Variants in CBFA2T3 observed in about 807,000 individuals in gnomAD.
CBFA2T3 encodes CBFA2/RUNX1 partner transcriptional co-repressor 3, also known as transcriptional corepressor CBFA2T3.
In CBFA2T3, 31 loss-of-function variants were observed where a neutral mutation model predicts 58.6. The ratio of observed to expected loss-of-function variants is 0.53; its 90% CI spans 0.40 to 0.71. The LOEUF (loss-of-function observed/expected upper bound fraction) is 0.71. Ranked by LOEUF, CBFA2T3 falls within the 30% of genes least tolerant of loss-of-function variation. The probability of loss-of-function intolerance (pLI) is 0.00; values close to 1 mark genes in which losing one functional copy is unlikely to be tolerated. For missense variants in CBFA2T3, 1,076 were observed against 963.1 expected, an observed-to-expected ratio of 1.12 and a Z score of -1.55; for synonymous variants, 531 against 421.9, an observed-to-expected ratio of 1.26 and a Z score of -3.17.
chr16:88,896,534 C>T (rs141623008), intron 3 of CBFA2T3, among the ~76,000 whole-genome samples: 73 of 152,316 alleles, frequency 4.8e-4, no homozygotes, highest in African/African-American at 1.7e-3. Flanking sequence ...GACCCCACCG[C>T]GCTGCCGAGT....
chr16:88,975,540 G>T (rs1208423234), intron 1 of CBFA2T3, among the ~76,000 whole-genome samples: 1 of 152,270 alleles, frequency 6.6e-6, no homozygotes, highest in African/African-American at 2.4e-5. Context: ...GGATAGACAG[G>T]GCCGCTCCAG....
intron 1 of CBFA2T3, among the ~76,000 whole-genome samples, chr16:88,908,563 G>A (rs1970416520): frequency 2.6e-5 from 4 of 152,178 alleles, no homozygotes; most frequent in Admixed American, 2.6e-4. Flanking sequence ...CCCGTCCGTG[G>A]GGGCACCCAG....
In CBFA2T3 at chr16:88,901,749, G is replaced by C. The variant is rs183987243; in HGVS notation, c.152-93C>G. The C allele has an allele frequency of 5.9e-6, 7 of 1,180,048 alleles. No individual in the cohort carries two copies. The Admixed American group carries it at 1.1e-4, about 18-fold the overall frequency. The allele number at this position is 1,180,048 out of a possible 1,614,324, so 73.1% of individuals were successfully genotyped here. ...CACGGTTCCCAGCGAAGGCCCCACT[G>C]AGTGTCCGCCCAGCGCTGGGGCAGT... On this transcript the variant is annotated intron_variant, in intron 1 of 11. Transcript: ENST00000268679.
intron 1 of CBFA2T3, among the ~76,000 whole-genome samples, chr16:88,940,597 G>A (rs899331993): frequency 4.6e-5 from 7 of 152,166 alleles, no homozygotes; most frequent in Non-Finnish European, 1.0e-4. Context: ...CCGGGGACCC[G>A]GGCAGGAGGG....
chr16:88,968,757 G>A (rs1232086071), intron 1 of CBFA2T3, among the ~76,000 whole-genome samples: 1 of 152,170 alleles, frequency 6.6e-6, no homozygotes, highest in African/African-American at 2.4e-5. Flanking sequence ...AGTTTGCACC[G>A]AGCCCCTCCA....
At chr16:88,960,759 A>C (rs900005671) in intron 1 of CBFA2T3, among the ~76,000 whole-genome samples, 4 of 152,250 alleles carry the variant, frequency 2.6e-5, no homozygotes, top group African/African-American at 9.6e-5. Flanking sequence ...GGGTTTGGTC[A>C]TGTAGAAACA....
chr16:88,925,291 G>T (rs917575605), intron 1 of CBFA2T3, among the ~76,000 whole-genome samples: 3 of 152,164 alleles, frequency 2.0e-5, no homozygotes, highest in Non-Finnish European at 2.9e-5. Flanking sequence ...GCAGCTGCTC[G>T]GGGGAGACCC....
intron 1 of CBFA2T3, among the ~76,000 whole-genome samples, chr16:88,903,099 T>A (rs1970164035): frequency 6.6e-6 from 1 of 152,154 alleles, no homozygotes. Context: ...TTCTGCCCGT[T>A]CCCCATTCCC....
chr16:88,944,509 G>A (rs999979095), intron 1 of CBFA2T3, among the ~76,000 whole-genome samples: 4 of 152,154 alleles, frequency 2.6e-5, no homozygotes, highest in Non-Finnish European at 4.4e-5. Context: ...GGCAGCCCCA[G>A]CTTTGCTGAC....
chr16:88,909,951 C>T (rs1970475733), intron 1 of CBFA2T3, among the ~76,000 whole-genome samples: 1 of 152,188 alleles, frequency 6.6e-6, no homozygotes, highest in Admixed American at 6.5e-5. Flanking sequence ...AGGGACGAGC[C>T]ACCCTCCAAC....
At chr16:88,879,242 G>A (rs1431824362) in intron 11 of CBFA2T3, 28 bp downstream of exon 11, 8 of 1,560,680 alleles carry the variant, frequency 5.1e-6, no homozygotes, top group Non-Finnish European at 7.0e-6. Context: ...GGCAGGGGAT[G>A]GGTGTCAGCG....
intron 1 of CBFA2T3, among the ~76,000 whole-genome samples, chr16:88,947,588 G>A (rs549877070): frequency 6.6e-6 from 1 of 152,356 alleles, no homozygotes; most frequent in East Asian, 1.9e-4. Context: ...TACAAACAAT[G>A]TGAATGTATT....
At position 88,886,147 on chromosome 16, in the gene CBFA2T3, G is replaced by A. The variant is rs565903949; in HGVS notation, c.712-5C>T. On this transcript the variant is annotated splice_region_variant and splice_polypyrimidine_tract_variant and intron_variant, in intron 5 of 11. Transcript: ENST00000268679. The stretch of plus-strand genomic sequence containing the variant: ...CTGCAGCAAGGGCAGGTTTGCCTGT[G>A]GGGTGGGGAAGGAGGGCCTGGGTAG... 16 of 1,528,372 alleles carry A rather than the reference G, an allele frequency of 1.0e-5. No homozygotes were observed. The East Asian group carries it at 3.5e-4, about 33-fold the overall frequency. The allele number at this position is 1,528,372 out of a possible 1,614,324, so 94.7% of individuals were successfully genotyped here.
intron 1 of CBFA2T3, among the ~76,000 whole-genome samples, chr16:88,959,073 C>G (rs1395053955): frequency 6.6e-6 from 1 of 152,200 alleles, no homozygotes; most frequent in African/African-American, 2.4e-5. Flanking sequence ...AGAGGAAGCC[C>G]CATCCTCGCG....
chr16:88,886,510 T>G, intron 5 of CBFA2T3: 5 of 185,166 alleles, frequency 2.7e-5, no homozygotes, highest in Non-Finnish European at 5.6e-5. Context: ...ATGGTTGGTC[T>G]TCCCGCCTGC....
intron 1 of CBFA2T3, among the ~76,000 whole-genome samples, chr16:88,918,866 G>A (rs1970824249): frequency 6.6e-6 from 1 of 152,242 alleles, no homozygotes; most frequent in African/African-American, 2.4e-5. Flanking sequence ...CGGGTTATCA[G>A]TGTAAAAAAG....
At chr16:88,932,628 T>TA (rs1263612345) in intron 1 of CBFA2T3, among the ~76,000 whole-genome samples, 1 of 147,402 alleles carries the variant, frequency 6.8e-6, no homozygotes, top group Non-Finnish European at 1.5e-5. Context: ...GCCTGAGCGA[T>TA]AGAGGGAGAC....
Position 88,880,724 on chromosome 16 carries a change from C to T in CBFA2T3, c.1467G>A (p.Lys489=), listed in dbSNP as rs369405816. The T allele has an allele frequency of 3.0e-5, 47 of 1,567,350 alleles. No individual in the cohort carries two copies. In the East Asian group the frequency reaches 7.3e-4, roughly 24 times the overall value. The change falls in exon 10 of 12, where the codon AAG becomes AAA. Residue 489 remains lysine (K), a synonymous_variant. Coordinates refer to ENST00000268679, the MANE Select transcript of CBFA2T3 (RefSeq NM_005187.6). ...TGYVPEDIWR[K]AEEAVNEVKR... is the part of the protein sequence containing the mutation. The stretch of plus-strand genomic sequence containing the variant: ...GGCCCCTGCACCCCCACTCACCAGC[C>T]TTCCTCCAGATGTCCTCAGGCACGT...
intron 11 of CBFA2T3, among the ~76,000 whole-genome samples, chr16:88,878,895 G>A (rs1163889069): frequency 6.6e-6 from 1 of 152,198 alleles, no homozygotes; most frequent in East Asian, 1.9e-4. Flanking sequence ...GTAATGAGCC[G>A]AGGTCATGCC....
Sources: gnomAD v4.1 joint callset for allele counts (sites outside exome capture counted in the v4.1 genomes callset) on GRCh38, gnomAD v4.1.1 for gene constraint, MANE v1.5 for transcripts, NCBI Gene and HGNC (gene_info 2026-07-23, HGNC 2026-07-21) for gene names.